The following EYA3 variants were observed in gnomAD, a reference collection of about 807,000 sequenced individuals.
EYA3 encodes the protein protein phosphatase EYA3.
A neutral mutation model predicts 80.0 loss-of-function variants in EYA3; 39 were observed. That is an observed-to-expected ratio of 0.49 (90% CI 0.38 to 0.64). The LOEUF (loss-of-function observed/expected upper bound fraction) is 0.64. EYA3 is among the 30% of genes least tolerant of loss of function. EYA3 has a pLI of 0.00. For missense variants in EYA3, 523 were observed against 676.1 expected, an observed-to-expected ratio of 0.77 and a Z score of 2.51; for synonymous variants, 206 against 232.8, an observed-to-expected ratio of 0.88 and a Z score of 1.05.
At chr1:28,063,809 T>C (rs1401754887) in intron 1 of EYA3, among the ~76,000 whole-genome samples, 1 of 152,216 alleles carries the variant, frequency 6.6e-6, no homozygotes, top group Non-Finnish European at 1.5e-5. Context: ...TTATCTCCTC[T>C]GTACACAATG....
At chr1:28,067,311 TAA>T (rs2148920592) in intron 1 of EYA3, among the ~76,000 whole-genome samples, 1 of 152,332 alleles carries the variant, frequency 6.6e-6, no homozygotes, top group South Asian at 2.1e-4. Context: ...ACTGTAACTG[TAA>T]ACTATTTCAA....
intron 16 of EYA3, among the ~76,000 whole-genome samples, chr1:27,984,349 T>C (rs576772885): frequency 2.2e-4 from 33 of 152,308 alleles, no homozygotes; most frequent in African/African-American, 7.5e-4. Flanking sequence ...TATTTAACTG[T>C]ATGTAAAATT....
Position 28,027,944 on chromosome 1 carries a change from G to A in EYA3, c.362-18C>T. On this transcript the variant is annotated intron_variant, in intron 6 of 17. Coordinates refer to ENST00000373871, the MANE Select transcript of EYA3 (RefSeq NM_001990.4). The stretch of plus-strand genomic sequence containing the variant: ...CAATGCACCTGAATCAGATAAATTG[G>A]ACCAATTACAAACAATACACTGGGA... 1 of 1,613,838 alleles carries A rather than the reference G, an allele frequency of 6.2e-7. No individual in the cohort carries two copies. The highest frequency in any genetic ancestry group is 8.5e-7 in the Non-Finnish European group (1 of 1,179,856).
At chr1:27,978,906 G>A (rs559292260) in intron 16 of EYA3, among the ~76,000 whole-genome samples, 51 of 152,318 alleles carry the variant, frequency 3.3e-4, no homozygotes, top group Admixed American at 1.4e-3. Context: ...AGGTTGCAGT[G>A]AGCCGAGATC....
rs191328237 is a variant in EYA3, at chr1:28,030,207, A to G, written c.362-2281T>C. The stretch of plus-strand genomic sequence containing the variant: ...ACTGAGATACTTCAGTGCAACTCAG[A>G]TTTGTCCAATTTGTTGATAAGTACA... On this transcript the variant is annotated intron_variant, in intron 6 of 17. Coordinates refer to ENST00000373871, the MANE Select transcript of EYA3 (RefSeq NM_001990.4). Among the ~76,000 whole-genome samples the G allele has an allele frequency of 1.1e-4, 16 of 152,364 alleles. 1 individual carries two copies. The highest frequency in any genetic ancestry group is 4.1e-4 in the South Asian group (2 of 4,832).
chr1:28,075,737 T>G (rs1025157898), intron 1 of EYA3, among the ~76,000 whole-genome samples: 23 of 152,342 alleles, frequency 1.5e-4, no homozygotes, highest in African/African-American at 5.5e-4. Context: ...CCTTCAGTTC[T>G]TCATATTTGT....
chr1:27,986,399 A>T (rs867239705), intron 16 of EYA3, among the ~76,000 whole-genome samples: 14 of 135,322 alleles, frequency 1.0e-4, no homozygotes, highest in African/African-American at 1.7e-4. Flanking sequence ...CTCTCTTAAC[A>T]TTTTTTTTTT....
Position 28,008,410 on chromosome 1 carries a change from AAAC to A in EYA3, c.909+2534_909+2536del, listed in dbSNP as rs752764527. On this transcript the variant is annotated intron_variant, in intron 10 of 17. Transcript: ENST00000373871. ...CAAGAAAACAAAACAAAACAAAAAG[AAAC>A]AACAAGTATTAGACCAAAAGCACAG... 3.9e-5 allele frequency among the ~76,000 whole-genome samples: 6 copies of A among 152,208 alleles called. No individual in the cohort carries two copies. In the East Asian group the frequency reaches 5.8e-4, roughly 15 times the overall value.
chr1:27,988,067 G>A (rs1156282201), intron 16 of EYA3, among the ~76,000 whole-genome samples: 2 of 151,846 alleles, frequency 1.3e-5, no homozygotes, highest in Non-Finnish European at 2.9e-5. Flanking sequence ...ACGGAGGTCT[G>A]CCATGTGGCT....
At chr1:27,982,601 CTTTTTT>C (rs112969848) in intron 16 of EYA3, among the ~76,000 whole-genome samples, 1 of 150,280 alleles carries the variant, frequency 6.7e-6, no homozygotes, top group East Asian at 2.0e-4. Flanking sequence ...ATCAGTTTTT[CTTTTTT>C]TTTGAGACAG....
At chr1:27,977,421 A>G (rs1243438594) in intron 17 of EYA3, 1 of 1,544,594 alleles carries the variant, frequency 6.5e-7, no homozygotes, top group South Asian at 1.2e-5. Flanking sequence ...TAGGGAGGGA[A>G]AGAACTTCTA....
chr1:27,994,864 G>A (rs991509634), intron 13 of EYA3, among the ~76,000 whole-genome samples: 4 of 151,386 alleles, frequency 2.6e-5, no homozygotes, highest in African/African-American at 4.9e-5. Context: ...AGCTACTTAC[G>A]AGGCTGAAGT....
intron 1 of EYA3, among the ~76,000 whole-genome samples, chr1:28,061,111 C>A (rs899269430): frequency 6.6e-6 from 1 of 152,188 alleles, no homozygotes; most frequent in Non-Finnish European, 1.5e-5. Context: ...AAACAAAAAG[C>A]TGCCTACAAG....
At position 27,974,069 on chromosome 1, in the gene EYA3, T is replaced by C. The variant is rs1189000478; in HGVS notation, c.*397A>G. 1 of 154,662 alleles carries C rather than the reference T, an allele frequency of 6.5e-6. No individual in the cohort carries two copies. Among genetic ancestry groups the C allele is most frequent in the Non-Finnish European group, 1.4e-5 (1 of 69,644 alleles). The allele number at this position is 154,662 out of a possible 1,614,324, so 9.6% of individuals were successfully genotyped here. ...GGAATTTCCTTTTCTTTTTCATTTT[T>C]TGAAAACAAAAAAACAAAAACAAAA... On this transcript the variant is annotated 3_prime_UTR_variant, in exon 18 of 18. Transcript: ENST00000373871.
intron 2 of EYA3, among the ~76,000 whole-genome samples, chr1:28,049,229 A>C (rs1644149012): frequency 6.6e-6 from 1 of 152,210 alleles, no homozygotes; most frequent in African/African-American, 2.4e-5. Context: ...ATTTCAGACA[A>C]GGTAAATAAT....
At chr1:28,016,066 G>A (rs780363991) in intron 8 of EYA3, among the ~76,000 whole-genome samples, 39 of 152,276 alleles carry the variant, frequency 2.6e-4, no homozygotes, top group Middle Eastern at 3.4e-3. Context: ...TGGACATTAT[G>A]TGGTTAAACA....
intron 2 of EYA3, among the ~76,000 whole-genome samples, chr1:28,055,619 T>G (rs1039984144): frequency 1.3e-5 from 2 of 151,984 alleles, no homozygotes; most frequent in African/African-American, 4.8e-5. Flanking sequence ...TACAGGCAAG[T>G]GCCACCACAC....
intron 1 of EYA3, among the ~76,000 whole-genome samples, chr1:28,077,391 C>T (rs936823743): frequency 6.6e-6 from 1 of 152,110 alleles, no homozygotes; most frequent in Non-Finnish European, 1.5e-5. Flanking sequence ...TAGGCATGAG[C>T]CACCGTGCTT....
At chr1:27,988,781 T>C in intron 15 of EYA3, 125 bp from the exon 16 acceptor site, 1 of 1,012,462 alleles carries the variant, frequency 9.9e-7, no homozygotes, top group Non-Finnish European at 1.4e-6. Flanking sequence ...GGTATTATAC[T>C]GTTCAGAGCC....
Sources: allele counts gnomAD v4.1 joint callset (sites outside exome capture counted in the v4.1 genomes callset), GRCh38; gene constraint gnomAD v4.1.1; transcripts MANE v1.5; gene names NCBI Gene and HGNC (gene_info 2026-07-23, HGNC 2026-07-21).